The following MYO5A variants were observed in gnomAD, a reference collection of about 807,000 sequenced individuals.
MYO5A encodes unconventional myosin-Va.
Under a neutral mutation model 249.7 loss-of-function variants are expected in MYO5A, and 98 were observed. That is an observed-to-expected ratio of 0.39 (90% CI 0.33 to 0.46). MYO5A has a LOEUF of 0.46. MYO5A is among the 20% of genes least tolerant of loss of function. The pLI, the probability that MYO5A is intolerant of heterozygous loss-of-function variation, is 0.98. For missense variants in MYO5A, 1,696 were observed against 2,308.8 expected (o/e 0.73, Z 5.44); for synonymous variants, 778 against 810.6 (o/e 0.96, Z 0.68).
rs370437966 is a variant in MYO5A, at chr15:52,351,388, C to G, written c.3715G>C (p.Ala1239Pro). ...ACACGGTAGGCAGGTGCACCTGGGG[C>G]GGTCACCTCTGGGGCACTTTTCTCA... Reference protein sequence around the residue: ...LSEKSAPEVTAPGAPAYRVLM... With the variant: ...LSEKSAPEVTPPGAPAYRVLM... The change falls in exon 28 of 42, where the codon GCC (alanine) becomes CCC (proline). Residue 1239 changes from alanine to proline, a missense_variant. Ala to Pro is a conservative substitution (Grantham distance 27). Coordinates refer to ENST00000399233, the MANE Select transcript of MYO5A (RefSeq NM_001382347.1). 1.2e-6 allele frequency: 2 copies of G among 1,614,134 alleles called. No homozygotes were observed. The highest frequency in any genetic ancestry group is 1.7e-6 in the Non-Finnish European group (2 of 1,179,988).
At chr15:52,437,138 A>G (rs971986925) in intron 1 of MYO5A, among the ~76,000 whole-genome samples, 3 of 152,240 alleles carry the variant, frequency 2.0e-5, no homozygotes, top group Non-Finnish European at 4.4e-5. Flanking sequence ...CACAGTCCAT[A>G]AACTGAGTAA....
chr15:52,415,996 AGAT>A, intron 5 of MYO5A, 146 bp downstream of exon 5: 1 of 955,942 alleles, frequency 1.0e-6, no homozygotes, highest in African/African-American at 1.7e-5. Context: ...TACTTTCCCT[AGAT>A]TTTTTATAAA....
chr15:52,352,375 AG>A (rs2039997956), intron 27 of MYO5A, among the ~76,000 whole-genome samples: 1 of 152,232 alleles, frequency 6.6e-6, no homozygotes, highest in Admixed American at 6.5e-5. Context: ...ACAGGACACA[AG>A]GCCTGATGAT....
intron 1 of MYO5A, among the ~76,000 whole-genome samples, chr15:52,514,526 G>C (rs560319396): frequency 6.6e-6 from 1 of 152,350 alleles, no homozygotes; most frequent in South Asian, 2.1e-4. Flanking sequence ...CTGGAAATCA[G>C]AAGAAGGCAA....
chr15:52,492,917 G>A (rs902493874), intron 1 of MYO5A, among the ~76,000 whole-genome samples: 1 of 152,142 alleles, frequency 6.6e-6, no homozygotes, highest in Non-Finnish European at 1.5e-5. Context: ...AAAAGTTTTG[G>A]TAGTTTTTAA....
intron 1 of MYO5A, among the ~76,000 whole-genome samples, chr15:52,482,466 G>A (rs143492514): frequency 4.9e-4 from 74 of 152,226 alleles, no homozygotes; most frequent in African/African-American, 1.6e-3. Flanking sequence ...TGAACATATT[G>A]AAACACACAG....
chr15:52,427,690 G>A (rs542751981), intron 3 of MYO5A, among the ~76,000 whole-genome samples: 26 of 152,212 alleles, frequency 1.7e-4, no homozygotes, highest in African/African-American at 5.1e-4. Context: ...TATACCACAC[G>A]AATGAATGGA....
chr15:52,414,941 AT>A, intron 5 of MYO5A, among the ~76,000 whole-genome samples: 1 of 152,136 alleles, frequency 6.6e-6, no homozygotes, highest in African/African-American at 2.4e-5. Flanking sequence ...TATTCCCAGT[AT>A]TTTTTTCCAT....
At chr15:52,430,785 C>G (rs535813317) in intron 2 of MYO5A, among the ~76,000 whole-genome samples, 1 of 152,158 alleles carries the variant, frequency 6.6e-6, no homozygotes, top group East Asian at 1.9e-4. Flanking sequence ...TCTGAAATAA[C>G]TTTATGTCTA....
chr15:52,508,823 C>G (rs1320993941), intron 1 of MYO5A, among the ~76,000 whole-genome samples: 1 of 152,126 alleles, frequency 6.6e-6, no homozygotes, highest in Non-Finnish European at 1.5e-5. Context: ...AGCTCCTGAA[C>G]ATACATAAGA....
chr15:52,505,870 T>C (rs2077258487), intron 1 of MYO5A: 19 of 1,564,844 alleles, frequency 1.2e-5, no homozygotes, highest in East Asian at 2.2e-5. Flanking sequence ...CTAAAATCCA[T>C]CCTGGATCAT....
At chr15:52,388,242 T>G (rs2042052736) in intron 13 of MYO5A, among the ~76,000 whole-genome samples, 1 of 152,192 alleles carries the variant, frequency 6.6e-6, no homozygotes, top group African/African-American at 2.4e-5. Context: ...TGTATCTCCT[T>G]CCAACCTAGG....
chr15:52,453,562 A>G (rs188225080), intron 1 of MYO5A, among the ~76,000 whole-genome samples: 13 of 152,342 alleles, frequency 8.5e-5, no homozygotes, highest in African/African-American at 3.1e-4. Flanking sequence ...TGAAACTGCA[A>G]TGGTGATGTG....
At chr15:52,506,526 CA>C (rs35101614) in intron 1 of MYO5A, among the ~76,000 whole-genome samples, 22,371 of 118,214 alleles carry the variant, frequency 0.19, 1,791 homozygotes, top group Middle Eastern at 0.22. Flanking sequence ...GACCCTTTCT[CA>C]AAAAAAAAAA....
intron 28 of MYO5A, 110 bp downstream of exon 28, chr15:52,351,144 A>T: frequency 1.2e-6 from 1 of 843,338 alleles, no homozygotes; most frequent in Non-Finnish European, 2.0e-6. Flanking sequence ...ATCCTCAATT[A>T]GATTAAAAAT....
At chr15:52,469,919 T>C (rs2141445664) in intron 1 of MYO5A, among the ~76,000 whole-genome samples, 1 of 152,320 alleles carries the variant, frequency 6.6e-6, no homozygotes, top group South Asian at 2.1e-4. Context: ...TTCTCCAAGA[T>C]TCATAGCCCA....
At chr15:52,440,953 T>C (rs139694474) in intron 1 of MYO5A, among the ~76,000 whole-genome samples, 2 of 152,292 alleles carry the variant, frequency 1.3e-5, no homozygotes, top group East Asian at 1.9e-4. Context: ...TTGTGAATGT[T>C]TGCAAAAATG....
chr15:52,419,272 T>C (rs1162671193), intron 4 of MYO5A, among the ~76,000 whole-genome samples: 2 of 152,228 alleles, frequency 1.3e-5, no homozygotes, highest in African/African-American at 4.8e-5. Context: ...ACCAATCTAA[T>C]TGTTTCTCCC....
At chr15:52,339,897 G>A (rs1413331562) in intron 32 of MYO5A, among the ~76,000 whole-genome samples, 1 of 152,202 alleles carries the variant, frequency 6.6e-6, no homozygotes, top group Non-Finnish European at 1.5e-5. Flanking sequence ...AGGATCTGCA[G>A]CTGAAATGGA....
Sources: gnomAD v4.1 joint callset for allele counts (sites outside exome capture counted in the v4.1 genomes callset) on GRCh38, gnomAD v4.1.1 for gene constraint, MANE v1.5 for transcripts, NCBI Gene and HGNC (gene_info 2026-07-23, HGNC 2026-07-21) for gene names.